Variants in MCTP1 observed in about 807,000 individuals in gnomAD.
MCTP1 encodes the protein multiple C2 and transmembrane domain containing 1.
A neutral mutation model predicts 120.6 loss-of-function variants in MCTP1; 69 were observed. The observed-to-expected ratio is 0.57, with a 90% CI of 0.47 to 0.70. The LOEUF (loss-of-function observed/expected upper bound fraction) is 0.70, where lower values mean the gene tolerates loss of function less well. Among genes scored for constraint, MCTP1 ranks in the 30% least tolerant of loss-of-function variants. The pLI, the probability that MCTP1 is intolerant of heterozygous loss-of-function variation, is 0.00. For synonymous variants in MCTP1, 529 were observed against 493.1 expected (o/e 1.07, Z -0.96); for missense variants, 1,203 against 1,248.8 (o/e 0.96, Z 0.55).
intron 17 of MCTP1, among the ~76,000 whole-genome samples, chr5:94,815,898 G>A (rs939599707): frequency 6.6e-5 from 10 of 152,076 alleles, no homozygotes; most frequent in South Asian, 4.1e-4. Context: ...CAAAACACAC[G>A]TCATACCATC....
intron 18 of MCTP1, chr5:94,792,038 A>G (rs1216646380): frequency 6.6e-6 from 1 of 152,404 alleles, no homozygotes; most frequent in Non-Finnish European, 1.5e-5. Flanking sequence ...CAGGGGCTAC[A>G]GCCACCCACA....
chr5:94,924,237 A>G (rs1015648662), intron 6 of MCTP1, among the ~76,000 whole-genome samples: 1 of 152,132 alleles, frequency 6.6e-6, no homozygotes, highest in African/African-American at 2.4e-5. Context: ...GTAATTTTTT[A>G]AGAGTCCACT....
chr5:94,868,365 C>A lies in MCTP1; in HGVS notation c.2404G>T (p.Asp802Tyr). Residue 802 changes from aspartate (D) to tyrosine (Y), a missense_variant, in exon 17 of 23, where the codon GAT becomes TAT. Asp to Tyr is a radical substitution (Grantham distance 160). Around this residue, in one of 2 missense-constraint regions of MCTP1, gnomAD observed 740 missense variants for 871.1 expected, o/e 0.85. Coordinates refer to ENST00000515393, the MANE Select transcript of MCTP1 (RefSeq NM_024717.7). ...AYYVNSCFDW[D>Y]SPPRSLAAFV... ...GCAGCGAGACTCCTTGGGGGTGAAT[C>A]CCAATCAAAGCAACTATTAACGTAG... 1 of 1,606,504 alleles carries A rather than the reference C, an allele frequency of 6.2e-7. No individual in the cohort carries two copies. Among genetic ancestry groups the A allele is most frequent in the Non-Finnish European group, 8.5e-7 (1 of 1,176,446 alleles).
Position 95,284,552 on chromosome 5 carries a change from C to G in MCTP1, c.24G>C (p.Ala8=), listed in dbSNP as rs1366644088. The G allele has an allele frequency of 3.9e-5, 57 of 1,453,320 alleles. No individual in the cohort carries two copies. Among genetic ancestry groups the G allele is most frequent in the Non-Finnish European group, 4.8e-5 (53 of 1,114,954 alleles). The allele number at this position is 1,453,320 out of a possible 1,614,324, so 90.0% of individuals were successfully genotyped here. Residue 8 remains alanine, a synonymous_variant, in exon 1 of 23, where the codon GCG becomes GCC. Transcript: ENST00000515393. This position sits in a 1 kb window ranked among gnomAD's most constrained non-coding sequence, Gnocchi z 5.2. ...ACGCCGCCGGCGGCTCTGGCTCGCCCGCCGCGGCAGCCCGGGGCTCCATCC... is the reference window on the plus strand; with the variant it reads ...ACGCCGCCGGCGGCTCTGGCTCGCCGGCCGCGGCAGCCCGGGGCTCCATCC... The part of the protein sequence containing the change: MEPRAAA[A]GEPEPPAASS...
intron 16 of MCTP1, among the ~76,000 whole-genome samples, 191 bp from the exon 17 acceptor site, chr5:94,868,643 A>C (rs921345285): frequency 6.6e-6 from 1 of 152,036 alleles, no homozygotes; most frequent in African/African-American, 2.4e-5. Context: ...CTGCCTTTTT[A>C]ACTAAATACA....
intron 1 of MCTP1, among the ~76,000 whole-genome samples, chr5:95,080,723 G>A (rs1004756408): frequency 6.6e-6 from 1 of 152,146 alleles, no homozygotes; most frequent in African/African-American, 2.4e-5. Flanking sequence ...CTTTAAGCAA[G>A]CTTAAAGAAT....
At chr5:95,048,966 T>C (rs1457898946) in intron 1 of MCTP1, among the ~76,000 whole-genome samples, 1 of 152,126 alleles carries the variant, frequency 6.6e-6, no homozygotes, top group Non-Finnish European at 1.5e-5. Context: ...AGTCAAAAAG[T>C]TGTACTAATG....
At chr5:95,240,266 C>T (rs75874680) in intron 1 of MCTP1, among the ~76,000 whole-genome samples, 2,740 of 152,226 alleles carry the variant, frequency 0.018, 74 homozygotes, top group African/African-American at 0.062. Context: ...GTTATATCTA[C>T]AATGCTTACC....
At chr5:94,720,113 C>T (rs1192436933) in intron 19 of MCTP1, among the ~76,000 whole-genome samples, 1 of 150,134 alleles carries the variant, frequency 6.7e-6, no homozygotes, top group African/African-American at 2.5e-5. Flanking sequence ...GCAACAAGAG[C>T]GAAACTCCTC....
chr5:94,947,577 T>TATATATAGAG, intron 3 of MCTP1, among the ~76,000 whole-genome samples: 21 of 47,392 alleles, frequency 4.4e-4, no homozygotes, highest in Non-Finnish European at 6.0e-4. Context: ...TATATATATA[T>TATATATAGAG]AGAGAGAGAG....
chr5:94,864,521 AT>A (rs1796436490), intron 17 of MCTP1, among the ~76,000 whole-genome samples: 1 of 151,910 alleles, frequency 6.6e-6, no homozygotes, highest in Non-Finnish European at 1.5e-5. Flanking sequence ...TGTAGCTGAA[AT>A]GTTAACTGAT....
At chr5:95,061,629 G>A (rs956907374) in intron 1 of MCTP1, among the ~76,000 whole-genome samples, 5 of 151,064 alleles carry the variant, frequency 3.3e-5, no homozygotes, top group African/African-American at 1.2e-4. Context: ...TAGAGACGGG[G>A]TTTCACCGTG....
At chr5:95,092,994 T>A (rs1431265828) in intron 1 of MCTP1, among the ~76,000 whole-genome samples, 2 of 152,220 alleles carry the variant, frequency 1.3e-5, no homozygotes, top group Admixed American at 1.3e-4. Context: ...AGCACTTACC[T>A]TGAGAATATC....
chr5:95,053,337 T>A (rs1746504900), intron 1 of MCTP1, among the ~76,000 whole-genome samples: 1 of 152,210 alleles, frequency 6.6e-6, no homozygotes, highest in Non-Finnish European at 1.5e-5. Context: ...ATCATGGGGT[T>A]TATGAATGTG....
chr5:94,730,513 G>T (rs1392246971), intron 19 of MCTP1, among the ~76,000 whole-genome samples: 1 of 152,174 alleles, frequency 6.6e-6, no homozygotes, highest in Non-Finnish European at 1.5e-5. Context: ...AAGGGCAGAT[G>T]AAGAGTTGTG....
intron 12 of MCTP1, among the ~76,000 whole-genome samples, chr5:94,880,423 C>A (rs893109316): frequency 6.6e-6 from 1 of 151,936 alleles, no homozygotes; most frequent in Admixed American, 6.6e-5. Flanking sequence ...CTTTTTTATG[C>A]TTAAAAAAAT....
At chr5:94,942,511 G>A in intron 3 of MCTP1, 84 bp from the exon 4 acceptor site, 1 of 920,902 alleles carries the variant, frequency 1.1e-6, no homozygotes, top group South Asian at 1.5e-5. Flanking sequence ...TAAAATGTTG[G>A]TTGTCTATGT....
At chr5:94,733,619 T>C (rs1034922252) in intron 19 of MCTP1, among the ~76,000 whole-genome samples, 1 of 151,472 alleles carries the variant, frequency 6.6e-6, no homozygotes, top group African/African-American at 2.4e-5. Flanking sequence ...CCTGGATATG[T>C]CTGTAGTCAC....
intron 5 of MCTP1, 117 bp from the exon 6 acceptor site, chr5:94,932,108 CA>C (rs532087683): frequency 2.6e-4 from 155 of 605,524 alleles, no homozygotes; most frequent in Non-Finnish European, 4.4e-4. Flanking sequence ...GTTCCTGCAG[CA>C]ATTATACAAC....
Sources: gnomAD v4.1 joint callset for allele counts (sites outside exome capture counted in the v4.1 genomes callset) on GRCh38, gnomAD v4.1.1 for gene constraint, gnomAD v4.1.1 regional missense constraint, Gnocchi (gnomAD v3.1) non-coding constraint, MANE v1.5 for transcripts, NCBI Gene and HGNC (gene_info 2026-07-23, HGNC 2026-07-21) for gene names.